SH3TC2: variants seen among roughly 807,000 people sequenced by gnomAD.
SH3TC2 encodes SH3 domain and tetratricopeptide repeat-containing protein 2.
Under a neutral mutation model 124.5 loss-of-function variants are expected in SH3TC2, and 87 were observed. The observed-to-expected ratio is 0.70, with a 90% CI of 0.59 to 0.84. SH3TC2 has a LOEUF of 0.84. Among genes scored for constraint, SH3TC2 ranks in the 40% least tolerant of loss-of-function variants. The pLI, the probability that SH3TC2 is intolerant of heterozygous loss-of-function variation, is 0.00. For missense variants in SH3TC2, 1,536 were observed against 1,566.4 expected (o/e 0.98, Z 0.33); for synonymous variants, 634 against 628.5 (o/e 1.01, Z -0.13).
At position 148,986,428 on chromosome 5, in the gene SH3TC2, C is replaced by A. The variant is rs1718240991; in HGVS notation, c.*18283G>T. On this transcript the variant is annotated 3_prime_UTR_variant, in exon 17 of 17. Coordinates refer to ENST00000515425, the MANE Select transcript of SH3TC2 (RefSeq NM_024577.4). ...TGAGAAAACGGAAGCCCTGGAAAGC[C>A]AAGGTAACCCCACTCACTCCCTATT... Among the ~76,000 whole-genome samples, 2 of 152,154 alleles carry A rather than the reference C, an allele frequency of 1.3e-5. No individual in the cohort carries two copies. Among genetic ancestry groups the A allele is most frequent in the Admixed American group, 1.3e-4 (2 of 15,274 alleles).
intron 4 of SH3TC2, 192 bp downstream of exon 4, chr5:149,044,341 T>A: frequency 1.8e-6 from 1 of 555,346 alleles, no homozygotes; most frequent in Non-Finnish European, 3.2e-6. Flanking sequence ...TCATACGGCA[T>A]TTTAGAATAA....
chr5:149,025,291 G>A (rs1754044678), intron 12 of SH3TC2, among the ~76,000 whole-genome samples: 1 of 152,154 alleles, frequency 6.6e-6, no homozygotes, highest in Admixed American at 6.5e-5. Context: ...GACAGGGAAA[G>A]AATGAGGGAG....
Position 149,028,366 on chromosome 5 carries a change from G to A in SH3TC2, c.1366C>T (p.Leu456=). 6.2e-7 allele frequency: 1 copy of A among 1,614,168 alleles called. No individual in the cohort carries two copies. Among genetic ancestry groups the A allele is most frequent in the Non-Finnish European group, 8.5e-7 (1 of 1,180,042 alleles). ...DLDDPELLMD[L]STGQEEEAEN... is the part of the protein sequence containing the mutation. ...GCCTCCTCCTCCTGACCAGTGCTTAGGTCCATGAGCAGTTCCGGGTCATCA... is the reference window on the plus strand; with the variant it reads ...GCCTCCTCCTCCTGACCAGTGCTTAAGTCCATGAGCAGTTCCGGGTCATCA... The change falls in exon 11 of 17, where the codon CTA becomes TTA. Residue 456 remains leucine (L), a synonymous_variant. Coordinates refer to ENST00000515425, the MANE Select transcript of SH3TC2 (RefSeq NM_024577.4).
At chr5:149,053,832 A>C (rs1426054144) in intron 1 of SH3TC2, among the ~76,000 whole-genome samples, 1 of 152,190 alleles carries the variant, frequency 6.6e-6, no homozygotes, top group East Asian at 1.9e-4. Flanking sequence ...CAGCTAAAAA[A>C]AAAATTAAAA....
At chr5:149,032,788 T>A (rs1754218825) in intron 8 of SH3TC2, among the ~76,000 whole-genome samples, 1 of 152,136 alleles carries the variant, frequency 6.6e-6, no homozygotes, top group East Asian at 1.9e-4. Flanking sequence ...CATTACCATT[T>A]GTCCCCATAA....
chr5:149,051,609 G>A (rs888327271), intron 2 of SH3TC2, among the ~76,000 whole-genome samples: 1 of 152,082 alleles, frequency 6.6e-6, no homozygotes, highest in African/African-American at 2.4e-5. Flanking sequence ...ATGCCACTGT[G>A]TCTGACTAAT....
Position 149,027,623 on chromosome 5 carries a change from C to T in SH3TC2, c.2109G>A (p.Gly703=), listed in dbSNP as rs758849704. The part of the protein sequence containing the change: ...VQQHGIQSAQ[G]MSLPIWQVHL... ...GGACCTGCCAAATAGGAAGAGACAT[C>T]CCTTGGGCACTCTGGATACCATGTT... The change falls in exon 11 of 17, where the codon GGG becomes GGA. Residue 703 remains glycine (G), a synonymous_variant. Transcript: ENST00000515425. 3 of 1,614,236 alleles carry T rather than the reference C, an allele frequency of 1.9e-6. No homozygotes were observed. The highest frequency in any genetic ancestry group is 3.3e-5 in the Admixed American group (2 of 60,026).
intron 7 of SH3TC2, among the ~76,000 whole-genome samples, chr5:149,039,807 C>T (rs895272347): frequency 6.6e-6 from 1 of 152,192 alleles, no homozygotes; most frequent in African/African-American, 2.4e-5. Flanking sequence ...AACTACAAGG[C>T]TGTACTGCTT....
At chr5:149,031,761 A>G in intron 8 of SH3TC2, 74 bp from the exon 9 acceptor site, 2 of 1,599,696 alleles carry the variant, frequency 1.3e-6, no homozygotes, top group Non-Finnish European at 1.7e-6. Context: ...TCTCCACACT[A>G]GGATGTAGTG....
rs1167128866 is a variant in SH3TC2, at chr5:149,042,689, C to T, written c.529+5G>A. On this transcript the variant is annotated splice_donor_5th_base_variant and intron_variant, in intron 5 of 16. Coordinates refer to ENST00000515425, the MANE Select transcript of SH3TC2 (RefSeq NM_024577.4). Reference sequence around the variant, plus strand: ...ATCCCATCTCTACCCCTATGCCACACTCACCTTCCTGTATCAGGAGTCCCA... The same window carrying T: ...ATCCCATCTCTACCCCTATGCCACATTCACCTTCCTGTATCAGGAGTCCCA... 1 of 1,614,088 alleles carries T rather than the reference C, an allele frequency of 6.2e-7. No individual in the cohort carries two copies. The highest frequency in any genetic ancestry group is 8.5e-7 in the Non-Finnish European group (1 of 1,179,958).
chr5:149,004,402 G>A lies in SH3TC2; in HGVS notation c.*309C>T. The A allele has an allele frequency of 2.8e-6, 1 of 354,784 alleles. No homozygotes were observed. The highest frequency in any genetic ancestry group is 5.4e-5 in the East Asian group (1 of 18,450). The allele number at this position is 354,784 out of a possible 1,614,324, so 22.0% of individuals were successfully genotyped here. ...AGGAAGGAAGGCTCCTGGAGGGCAA[G>A]ATCCCTCATCTTCTCCAGAATTATG... On this transcript the variant is annotated 3_prime_UTR_variant, in exon 17 of 17. Transcript: ENST00000515425.
rs992094664 is a variant in SH3TC2 at position 148,996,812 on chromosome 5, A to T, written c.*7899T>A. ...GATCAAGTAGCTGAGAGTCATACAG[A>T]TCATGTTTAACTATGGTCCGCTAGA... On this transcript the variant is annotated 3_prime_UTR_variant, in exon 17 of 17. Coordinates refer to ENST00000515425, the MANE Select transcript of SH3TC2 (RefSeq NM_024577.4). 6.6e-6 allele frequency among the ~76,000 whole-genome samples: 1 copy of T among 152,230 alleles called. No individual in the cohort carries two copies. Among genetic ancestry groups the T allele is most frequent in the Non-Finnish European group, 1.5e-5 (1 of 68,026 alleles).
chr5:149,049,270 T>C (rs1040674785), intron 2 of SH3TC2, among the ~76,000 whole-genome samples: 3 of 152,136 alleles, frequency 2.0e-5, no homozygotes, highest in African/African-American at 7.2e-5. Context: ...CAGGCCTCCA[T>C]CTGGTAGCCT....
rs1023843900 is a variant in SH3TC2 at position 148,993,121 on chromosome 5, C to T, written c.*11590G>A. On this transcript the variant is annotated 3_prime_UTR_variant, in exon 17 of 17. Coordinates refer to ENST00000515425, the MANE Select transcript of SH3TC2 (RefSeq NM_024577.4). ...AGGTGATTAGGCATTTGTCCCTCAC[C>T]GTTTCGATTGAAATAATCAGTTCAA... 3.3e-5 allele frequency among the ~76,000 whole-genome samples: 5 copies of T among 152,146 alleles called. No homozygotes were observed. The highest frequency in any genetic ancestry group is 7.4e-5 in the Non-Finnish European group (5 of 68,026).
At chr5:149,042,076 T>A (rs1754380130) in intron 5 of SH3TC2, among the ~76,000 whole-genome samples, 1 of 152,212 alleles carries the variant, frequency 6.6e-6, no homozygotes, top group South Asian at 2.1e-4. Context: ...ATTTCTGCAA[T>A]GCAATCATAA....
chr5:149,045,502 T>C lies in SH3TC2; in HGVS notation c.280-864A>G, dbSNP rs149194062. On this transcript the variant is annotated intron_variant, in intron 3 of 16. Transcript: ENST00000515425. ...TTTTAACACATGTATTTCTAAGAGG[T>C]GCAATTGGAAATGCAAGGATATGCA... The C allele has an allele frequency of 2.1e-3, 326 of 152,268 alleles. 7 individuals carry two copies. Among genetic ancestry groups the C allele is most frequent in the African/African-American group, 7.6e-3 (316 of 41,506 alleles). 9.4% of individuals were successfully genotyped at this position (152,268 alleles called of 1,614,324 possible).
At chr5:149,040,497 G>T in intron 7 of SH3TC2, 107 bp downstream of exon 7, 3 of 1,022,438 alleles carry the variant, frequency 2.9e-6, no homozygotes, top group East Asian at 2.4e-5. Context: ...GTTCCTAGCA[G>T]AGACGAGACA....
At chr5:149,034,022 T>C (rs943864132) in intron 8 of SH3TC2, among the ~76,000 whole-genome samples, 2 of 151,982 alleles carry the variant, frequency 1.3e-5, no homozygotes, top group Admixed American at 6.6e-5. Context: ...GATACACAAA[T>C]AACTATATTA....
chr5:149,022,276 A>C (rs1459372943), intron 12 of SH3TC2, among the ~76,000 whole-genome samples: 1 of 152,236 alleles, frequency 6.6e-6, no homozygotes, highest in East Asian at 1.9e-4. Flanking sequence ...GGCTAGAAGC[A>C]AATGAAATGA....
Sources: gnomAD v4.1 joint callset for allele counts (sites outside exome capture counted in the v4.1 genomes callset) on GRCh38, gnomAD v4.1.1 for gene constraint, MANE v1.5 for transcripts, NCBI Gene and HGNC (gene_info 2026-07-23, HGNC 2026-07-21) for gene names.